The following TEX48 variants were observed in gnomAD, a reference collection of about 807,000 sequenced individuals.
TEX48 encodes testis-expressed protein 48.
In TEX48, 10 loss-of-function variants were observed where a neutral mutation model predicts 13.2. That is an observed-to-expected ratio of 0.75 (90% CI 0.47 to 1.28). TEX48 has a LOEUF of 1.28. Among genes scored for constraint, TEX48 ranks in the 50% most tolerant of loss-of-function variants. TEX48 has a pLI of 0.00. For missense variants in TEX48, 116 were observed against 139.4 expected (o/e 0.83, Z 0.84); for synonymous variants, 45 against 52.3 (o/e 0.86, Z 0.60).
chr9:114,674,534 T>C (rs1015469209), intron 1 of TEX48, among the ~76,000 whole-genome samples: 1 of 150,780 alleles, frequency 6.6e-6, no homozygotes, highest in Admixed American at 6.6e-5. Flanking sequence ...CTCTTTCTTT[T>C]TTCTTCTTTC....
At chr9:114,672,497 C>G (rs1827967330) in intron 1 of TEX48, among the ~76,000 whole-genome samples, 1 of 152,206 alleles carries the variant, frequency 6.6e-6, no homozygotes, top group Non-Finnish European at 1.5e-5. Flanking sequence ...AAAGGAAATT[C>G]TTATCATGGT....
intron 3 of TEX48, among the ~76,000 whole-genome samples, 161 bp from the exon 4 acceptor site, chr9:114,668,498 C>T (rs1343415495): frequency 1.3e-5 from 2 of 152,116 alleles, no homozygotes; most frequent in Non-Finnish European, 2.9e-5. Context: ...CTGAGGGCTT[C>T]CCCTCACAAG....
At chr9:114,671,355 A>G in intron 3 of TEX48, 28 bp downstream of exon 3, 3 of 1,534,116 alleles carry the variant, frequency 2.0e-6, no homozygotes, top group Non-Finnish European at 2.6e-6. Context: ...TAGAGAGGCC[A>G]TGCAGAGTGT....
chr9:114,667,905 CAA>C (rs1176250476), intron 4 of TEX48, among the ~76,000 whole-genome samples: 9 of 60,512 alleles, frequency 1.5e-4, no homozygotes, highest in East Asian at 5.9e-4. Flanking sequence ...GACTCCATCT[CAA>C]AAAAAAAAAA....
chr9:114,676,340 G>A (rs1739587514), intron 1 of TEX48, among the ~76,000 whole-genome samples: 1 of 151,352 alleles, frequency 6.6e-6, no homozygotes, highest in Admixed American at 6.6e-5. Context: ...TAGTTTTTTT[G>A]TTTTTGTTTT....
intron 1 of TEX48, among the ~76,000 whole-genome samples, chr9:114,677,964 A>G (rs920364455): frequency 6.6e-6 from 1 of 152,016 alleles, no homozygotes; most frequent in Non-Finnish European, 1.5e-5. Flanking sequence ...CTCCGTATAT[A>G]TACTCTCACT....
At chr9:114,678,560 G>A (rs1246538479) in intron 1 of TEX48, among the ~76,000 whole-genome samples, 2 of 152,032 alleles carry the variant, frequency 1.3e-5, no homozygotes, top group Admixed American at 6.6e-5. Flanking sequence ...TTTCGTTGTT[G>A]ACCTTTAGGC....
chr9:114,668,112 G>A, intron 4 of TEX48, 94 bp downstream of exon 4: 7 of 1,448,900 alleles, frequency 4.8e-6, no homozygotes, highest in South Asian at 3.9e-5. Context: ...TCCCCATCTC[G>A]CTTAGCTGAA....
intron 3 of TEX48, among the ~76,000 whole-genome samples, chr9:114,669,387 TCCCA>T (rs72051612): frequency 0.13 from 19,129 of 151,920 alleles, 1,415 homozygotes; most frequent in East Asian, 0.23. Context: ...CAAGTGATCA[TCCCA>T]CCTCAGCCTC....
Position 114,673,436 on chromosome 9 carries a change from A to T in TEX48, c.-104-1609T>A, listed in dbSNP as rs574214227. Among the ~76,000 whole-genome samples, 17 of 141,278 alleles carry T rather than the reference A, an allele frequency of 1.2e-4. No homozygotes were observed. The East Asian group carries it at 3.4e-3, about 28-fold the overall frequency. The allele number at this position is 141,278 out of a possible 152,430, so 92.7% of individuals were successfully genotyped here. On this transcript the variant is annotated intron_variant, in intron 1 of 4. Coordinates refer to ENST00000436752, the MANE Select transcript of TEX48 (RefSeq NM_001199233.2). ...TGGTGAGCCGAGATCACGCCATTGC[A>T]CTCCAGCCTGGGCAAGAAGAATAAA...
intron 1 of TEX48, among the ~76,000 whole-genome samples, chr9:114,678,440 T>A (rs780091382): frequency 7.9e-5 from 12 of 152,196 alleles, no homozygotes; most frequent in Non-Finnish European, 1.8e-4. Context: ...AAAAATAGAA[T>A]CTTCCCAAAT....
chr9:114,669,029 C>T (rs889693332), intron 3 of TEX48, among the ~76,000 whole-genome samples: 1 of 151,716 alleles, frequency 6.6e-6, no homozygotes, highest in Non-Finnish European at 1.5e-5. Flanking sequence ...TTGTAGGGAG[C>T]GGGAGTCTCA....
chr9:114,675,128 C>T (rs1477506556), intron 1 of TEX48, among the ~76,000 whole-genome samples: 1 of 152,084 alleles, frequency 6.6e-6, no homozygotes. Context: ...TGTGGGAAGT[C>T]AATAATTGTT....
At chr9:114,677,462 C>T (rs1177078621) in intron 1 of TEX48, among the ~76,000 whole-genome samples, 1 of 152,164 alleles carries the variant, frequency 6.6e-6, no homozygotes, top group Admixed American at 6.6e-5. Context: ...TAATCTGCTT[C>T]GTATTCTGCT....
chr9:114,679,064 G>C lies in TEX48; in HGVS notation c.-105+2971C>G, dbSNP rs553046349. 5.3e-5 allele frequency among the ~76,000 whole-genome samples: 8 copies of C among 151,946 alleles called. No homozygotes were observed. The South Asian group carries it at 1.7e-3, about 32-fold the overall frequency. On this transcript the variant is annotated intron_variant, in intron 1 of 4. Transcript: ENST00000436752. The stretch of plus-strand genomic sequence containing the variant: ...AAGATTCAAGAATAACAAACAAAAT[G>C]ATGAATCAATAGGTGACTTAATAGA...
intron 1 of TEX48, among the ~76,000 whole-genome samples, chr9:114,674,608 T>TCCTC (rs1317180033): frequency 3.8e-5 from 1 of 26,260 alleles, no homozygotes; most frequent in Non-Finnish European, 9.8e-5. Flanking sequence ...TTTCTTTCCT[T>TCCTC]CCTTCCTTCC....
At chr9:114,672,643 C>T (rs560023555) in intron 1 of TEX48, among the ~76,000 whole-genome samples, 11 of 152,324 alleles carry the variant, frequency 7.2e-5, no homozygotes, top group African/African-American at 1.4e-4. Flanking sequence ...TGAATTCCTG[C>T]GATAGCTTCC....
At chr9:114,677,548 GC>G (rs1348604649) in intron 1 of TEX48, among the ~76,000 whole-genome samples, 3 of 152,126 alleles carry the variant, frequency 2.0e-5, no homozygotes, top group Non-Finnish European at 2.9e-5. Context: ...GTTCCAGACT[GC>G]CTTGTGTATG....
chr9:114,666,613 C>T lies in TEX48; in HGVS notation c.*30G>A, dbSNP rs1198842009. On this transcript the variant is annotated 3_prime_UTR_variant, in exon 5 of 5. Coordinates refer to ENST00000436752, the MANE Select transcript of TEX48 (RefSeq NM_001199233.2). ...CGCCCTCTTCCTCATGGAGATGCCC[C>T]AGCAGCTGTGCAGCCGCCGGCTAGA... 1 of 1,316,024 alleles carries T rather than the reference C, an allele frequency of 7.6e-7. No individual in the cohort carries two copies. Among genetic ancestry groups the T allele is most frequent in the East Asian group, 2.5e-5 (1 of 39,854 alleles). The allele number at this position is 1,316,024 out of a possible 1,614,324, so 81.5% of individuals were successfully genotyped here. A position where few individuals can be genotyped will look rare whatever the true frequency, so the allele number is the denominator to read the frequency against.
Sources: gnomAD v4.1 joint callset for allele counts (sites outside exome capture counted in the v4.1 genomes callset) on GRCh38, gnomAD v4.1.1 for gene constraint, MANE v1.5 for transcripts, NCBI Gene and HGNC (gene_info 2026-07-23, HGNC 2026-07-21) for gene names.